TRAPPC3: variants seen among roughly 807,000 people sequenced by gnomAD.
TRAPPC3 encodes the protein trafficking protein particle complex 3.
A neutral mutation model predicts 18.2 loss-of-function variants in TRAPPC3; 5 were observed. The ratio of observed to expected loss-of-function variants is 0.28; its 90% CI spans 0.14 to 0.58. TRAPPC3 has a LOEUF of 0.58. Among genes scored for constraint, TRAPPC3 ranks in the 20% least tolerant of loss-of-function variants. TRAPPC3 has a pLI of 0.91. For synonymous variants in TRAPPC3, 65 were observed against 84.2 expected (o/e 0.77, Z 1.25); for missense variants, 176 against 225.9 (o/e 0.78, Z 1.41).
At chr1:36,147,150 A>G in intron 1 of TRAPPC3, among the ~76,000 whole-genome samples, 1 of 151,930 alleles carries the variant, frequency 6.6e-6, no homozygotes. Flanking sequence ...CAGGAGTTTG[A>G]GACCAACCTG....
At chr1:36,150,648 CAG>C (rs1222263209), upstream of TRAPPC3, among the ~76,000 whole-genome samples, 1 of 152,242 alleles carries the variant, frequency 6.6e-6, no homozygotes, top group Non-Finnish European at 1.5e-5. Flanking sequence ...GTCCCTCCCT[CAG>C]GGTGCAGGAC....
intron 3 of TRAPPC3, 100 bp from the exon 4 acceptor site, chr1:36,138,078 A>G (rs755745863): frequency 6.3e-7 from 1 of 1,592,704 alleles, no homozygotes; most frequent in South Asian, 1.1e-5. Flanking sequence ...TGGCTCAGGA[A>G]CAAACCTGTG....
At chr1:36,141,832 C>T (rs763741373) in intron 1 of TRAPPC3, among the ~76,000 whole-genome samples, 1 of 151,954 alleles carries the variant, frequency 6.6e-6, no homozygotes, top group Non-Finnish European at 1.5e-5. Flanking sequence ...GTGGCGCGTG[C>T]CTGTAATCCC....
At chr1:36,138,893 G>A (rs573582872) in intron 3 of TRAPPC3, among the ~76,000 whole-genome samples, 77 of 151,676 alleles carry the variant, frequency 5.1e-4, no homozygotes, top group Middle Eastern at 3.4e-3. Flanking sequence ...AAAATTAGCC[G>A]GGCATGGTGG....
Position 36,140,075 on chromosome 1 carries a change from T to G in TRAPPC3, c.134A>C (p.Asp45Ala). The change falls in exon 2 of 5, where the codon GAC becomes GCC. Residue 45 changes from aspartate to alanine, a missense_variant. This residue lies in a region of TRAPPC3 where 147 missense variants were observed against 164.3 expected (regional missense o/e 0.89). Coordinates refer to ENST00000373166, the MANE Select transcript of TRAPPC3 (RefSeq NM_014408.5). ...TATGAAGGAGCTCACTCACATTTTG[T>G]CCAGCTGTTTATTCACATCTTCATC... ...ENDEDVNKQL[D>A]KMGFNIGVRL... 6.3e-7 allele frequency: 1 copy of G among 1,597,378 alleles called. No individual in the cohort carries two copies. Among genetic ancestry groups the G allele is most frequent in the Non-Finnish European group, 8.5e-7 (1 of 1,174,202 alleles).
Position 36,154,622 on chromosome 1 carries a change from G to A in TRAPPC3, c.-97+1261C>T, listed in dbSNP as rs143580565. Reference sequence around the variant, plus strand: ...CACAAAGATGGGGGATCTGCTCCTCGTCCTTCCACTTTTACTCATCAATGC... The same window carrying A: ...CACAAAGATGGGGGATCTGCTCCTCATCCTTCCACTTTTACTCATCAATGC... On this transcript the variant is annotated intron_variant, in intron 1 of 4. Transcript: ENST00000617904. Among the ~76,000 whole-genome samples the A allele has an allele frequency of 8.0e-3, 1,218 of 152,154 alleles. 8 individuals are homozygous for A. The highest frequency in any genetic ancestry group is 0.013 in the Non-Finnish European group (851 of 68,000).
intron 1 of TRAPPC3, 162 bp from the exon 2 acceptor site, chr1:36,140,328 G>T: frequency 2.0e-6 from 1 of 491,174 alleles, no homozygotes; most frequent in Non-Finnish European, 3.5e-6. Context: ...TGGCCTGCAA[G>T]GTCAAAGCAG....
chr1:36,139,489 T>C, intron 3 of TRAPPC3: 1 of 552,950 alleles, frequency 1.8e-6, no homozygotes, highest in East Asian at 3.3e-5. Context: ...GCTACTCTGC[T>C]ACACCTTCAC....
chr1:36,144,574 A>G (rs1644166563), intron 1 of TRAPPC3, among the ~76,000 whole-genome samples: 1 of 152,180 alleles, frequency 6.6e-6, no homozygotes, highest in Admixed American at 6.5e-5. Context: ...GGATGGCTCG[A>G]GCCTGAGAAG....
chr1:36,140,360 T>C, intron 1 of TRAPPC3, 194 bp from the exon 2 acceptor site: 1 of 445,288 alleles, frequency 2.2e-6, no homozygotes. Context: ...CCAGAACTAC[T>C]GCAAAATGGG....
At chr1:36,154,338 C>A (rs571564252), upstream of TRAPPC3, among the ~76,000 whole-genome samples, 116 of 152,268 alleles carry the variant, frequency 7.6e-4, 1 homozygote, top group Non-Finnish European at 1.4e-3. Flanking sequence ...GGGTATCTCG[C>A]GACTCCCATC....
chr1:36,152,393 C>T (rs1644277889), upstream of TRAPPC3, among the ~76,000 whole-genome samples: 1 of 150,296 alleles, frequency 6.7e-6, no homozygotes, highest in African/African-American at 2.5e-5. Flanking sequence ...CTGCAACCTC[C>T]GCCTCCCAGG....
intron 1 of TRAPPC3, among the ~76,000 whole-genome samples, chr1:36,148,009 A>C (rs1356775823): frequency 6.6e-6 from 1 of 152,234 alleles, no homozygotes; most frequent in Non-Finnish European, 1.5e-5. Context: ...AGAAACATTT[A>C]CCATGCCCCT....
intron 1 of TRAPPC3, among the ~76,000 whole-genome samples, chr1:36,143,563 C>T (rs537443841): frequency 6.6e-6 from 1 of 152,160 alleles, no homozygotes; most frequent in Non-Finnish European, 1.5e-5. Flanking sequence ...TCATAAAGGT[C>T]ATAAAGGTCA....
At chr1:36,140,002 A>G (rs1324231321) in intron 2 of TRAPPC3, 67 bp downstream of exon 2, 3 of 1,482,558 alleles carry the variant, frequency 2.0e-6, no homozygotes, top group Non-Finnish European at 2.7e-6. Flanking sequence ...TAAGCTCTAA[A>G]GGACAATGTA....
At chr1:36,139,633 G>C (rs1244100095) in intron 3 of TRAPPC3, 87 bp downstream of exon 3, 7 of 1,545,738 alleles carry the variant, frequency 4.5e-6, no homozygotes, top group Non-Finnish European at 6.1e-6. Flanking sequence ...GGAGATTAAA[G>C]GCCTCTCTAA....
At chr1:36,138,787 T>C (rs1355814580) in intron 3 of TRAPPC3, among the ~76,000 whole-genome samples, 3 of 151,978 alleles carry the variant, frequency 2.0e-5, no homozygotes, top group Non-Finnish European at 4.4e-5. Context: ...TCCCAGCACT[T>C]TGGGAGGCCG....
At chr1:36,149,523 A>G (rs1570106617), upstream of TRAPPC3, 3 of 1,061,336 alleles carry the variant, frequency 2.8e-6, no homozygotes, top group African/African-American at 3.1e-5. Context: ...GCGGGGCACC[A>G]CGGGACTAGT....
At chr1:36,149,050 T>G in intron 1 of TRAPPC3, 10 of 1,283,946 alleles carry the variant, frequency 7.8e-6, no homozygotes, top group East Asian at 3.3e-5. Flanking sequence ...GCCCAACACA[T>G]AGTAAGAGAG....
Sources: gnomAD v4.1 joint callset for allele counts (sites outside exome capture counted in the v4.1 genomes callset) on GRCh38, gnomAD v4.1.1 for gene constraint, gnomAD v4.1.1 regional missense constraint, MANE v1.5 for transcripts, NCBI Gene and HGNC (gene_info 2026-07-23, HGNC 2026-07-21) for gene names.